Variants in TRPC7 observed in about 807,000 individuals in gnomAD.
TRPC7 encodes the protein transient receptor potential cation channel subfamily C member 7.
TRPC7 carries 42 observed loss-of-function variants against 90.1 expected under a neutral mutation model. The observed-to-expected ratio is 0.47, with a 90% CI of 0.36 to 0.60. The LOEUF is 0.60. Among genes scored for constraint, TRPC7 ranks in the 20% least tolerant of loss-of-function variants. The pLI is 0.00. For missense variants in TRPC7, 955 were observed against 1,112.3 expected, an observed-to-expected ratio of 0.86 and a Z score of 2.01; for synonymous variants, 451 against 436.3, an observed-to-expected ratio of 1.03 and a Z score of -0.42.
At chr5:136,315,032 A>G (rs1758963740) in intron 3 of TRPC7, among the ~76,000 whole-genome samples, 1 of 152,188 alleles carries the variant, frequency 6.6e-6, no homozygotes, top group African/African-American at 2.4e-5. Flanking sequence ...TTGGATGTCT[A>G]TTGAGGAGGT....
intron 2 of TRPC7, among the ~76,000 whole-genome samples, chr5:136,349,146 T>C (rs897816756): frequency 1.3e-5 from 2 of 152,226 alleles, no homozygotes; most frequent in African/African-American, 4.8e-5. Context: ...CCTCCTCTTT[T>C]GCTTCTCTAT....
intron 6 of TRPC7, among the ~76,000 whole-genome samples, chr5:136,248,060 G>T (rs1048210257): frequency 1.5e-4 from 23 of 152,174 alleles, no homozygotes; most frequent in Non-Finnish European, 2.5e-4. Context: ...TTCCGTCTGT[G>T]CTCTCATTGT....
chr5:136,278,351 T>G (rs1016005006), intron 3 of TRPC7, among the ~76,000 whole-genome samples: 6 of 152,150 alleles, frequency 3.9e-5, no homozygotes, highest in Non-Finnish European at 8.8e-5. Context: ...AAATTGCAAA[T>G]CTGGTGCCAT....
Position 136,213,389 on chromosome 5 carries a change from C to A in TRPC7, c.*46G>T. The A allele has an allele frequency of 6.2e-7, 1 of 1,601,724 alleles. No individual in the cohort carries two copies. Among genetic ancestry groups the A allele is most frequent in the Non-Finnish European group, 8.5e-7 (1 of 1,173,170 alleles). On this transcript the variant is annotated 3_prime_UTR_variant, in exon 12 of 12. Transcript: ENST00000513104. Reference sequence around the variant, plus strand: ...AAGGATGGGGGCGAGGGCATCCAACCTGGCCTTGGAATGCTGGTAGAAGTC... The same window carrying A: ...AAGGATGGGGGCGAGGGCATCCAACATGGCCTTGGAATGCTGGTAGAAGTC...
At chr5:136,355,040 C>T (rs1580990218) in intron 2 of TRPC7, among the ~76,000 whole-genome samples, 1 of 152,230 alleles carries the variant, frequency 6.6e-6, no homozygotes, top group African/African-American at 2.4e-5. Flanking sequence ...ACAGGGGCAG[C>T]TCCCCCAATG....
At chr5:136,229,115 G>A (rs1042324233) in intron 8 of TRPC7, among the ~76,000 whole-genome samples, 1 of 152,250 alleles carries the variant, frequency 6.6e-6, no homozygotes, top group African/African-American at 2.4e-5. Context: ...CTGAGGCCCA[G>A]AAGGGCAGGA....
rs186140836 is a variant in TRPC7 at position 136,343,871 on chromosome 5, G to T, written c.780+12737C>A. On this transcript the variant is annotated intron_variant, in intron 2 of 11. Transcript: ENST00000513104. Reference sequence around the variant, plus strand: ...TACATAAAGAACACTTGCAAAAAAGGTATTTTTAATACCTCAAGACAGAAA... The same window carrying T: ...TACATAAAGAACACTTGCAAAAAAGTTATTTTTAATACCTCAAGACAGAAA... Among the ~76,000 whole-genome samples the T allele has an allele frequency of 1.7e-4, 26 of 152,274 alleles. No homozygotes were observed. In the Middle Eastern group the frequency reaches 0.014, roughly 80 times the overall value.
intron 7 of TRPC7, among the ~76,000 whole-genome samples, chr5:136,237,222 C>A (rs889010): frequency 0.64 from 96,752 of 151,942 alleles, 31,918 homozygotes; most frequent in African/African-American, 0.83. Flanking sequence ...CTTGGGTCCT[C>A]AACAAGGAGT....
chr5:136,326,303 A>G (rs1759341166), intron 2 of TRPC7, among the ~76,000 whole-genome samples: 1 of 152,234 alleles, frequency 6.6e-6, no homozygotes, highest in Non-Finnish European at 1.5e-5. Context: ...ACCCTCCACC[A>G]CTAACAGTAT....
intron 3 of TRPC7, among the ~76,000 whole-genome samples, chr5:136,305,051 G>A (rs344831): frequency 0.67 from 101,596 of 151,418 alleles, 34,944 homozygotes; most frequent in African/African-American, 0.85. Context: ...TCCAAAATCT[G>A]TTTTCTTCCT....
intron 4 of TRPC7, among the ~76,000 whole-genome samples, chr5:136,273,941 G>A (rs1236707186): frequency 6.6e-6 from 1 of 152,188 alleles, no homozygotes. Flanking sequence ...GGATGGTGGA[G>A]CCGCTAGTAG....
intron 2 of TRPC7, among the ~76,000 whole-genome samples, chr5:136,331,637 G>C (rs947662012): frequency 6.6e-6 from 1 of 152,218 alleles, no homozygotes; most frequent in African/African-American, 2.4e-5. Context: ...AAGCTTGAGA[G>C]GTTTCCAGAA....
At chr5:136,355,129 A>G (rs555585022) in intron 2 of TRPC7, among the ~76,000 whole-genome samples, 9 of 152,338 alleles carry the variant, frequency 5.9e-5, no homozygotes, top group African/African-American at 1.9e-4. Context: ...CATGTAGCAC[A>G]TGATAGTCTC....
intron 2 of TRPC7, among the ~76,000 whole-genome samples, chr5:136,341,423 ATAAAT>A (rs927730526): frequency 6.6e-6 from 1 of 152,092 alleles, no homozygotes; most frequent in African/African-American, 2.4e-5. Flanking sequence ...CAAAAAGTAA[ATAAAT>A]TAACATATAT....
chr5:136,341,994 C>T (rs978913124), intron 2 of TRPC7, among the ~76,000 whole-genome samples: 1 of 152,158 alleles, frequency 6.6e-6, no homozygotes, highest in East Asian at 1.9e-4. Context: ...TCTTGTTGAT[C>T]CTTAGGAAAT....
intron 3 of TRPC7, among the ~76,000 whole-genome samples, chr5:136,304,963 C>G (rs1758557157): frequency 6.6e-6 from 1 of 152,242 alleles, no homozygotes; most frequent in African/African-American, 2.4e-5. Flanking sequence ...CGTACAGCAG[C>G]TGCCGCTGCT....
chr5:136,276,725 TCAG>T (rs1029505226), intron 3 of TRPC7, among the ~76,000 whole-genome samples: 8 of 152,210 alleles, frequency 5.3e-5, no homozygotes, highest in Admixed American at 2.0e-4. Context: ...TGGATTATCC[TCAG>T]CCCAGGGAGG....
chr5:136,281,642 G>A (rs919188318), intron 3 of TRPC7, among the ~76,000 whole-genome samples: 3 of 152,152 alleles, frequency 2.0e-5, no homozygotes, highest in African/African-American at 7.2e-5. Flanking sequence ...ACAGGCTCTG[G>A]GTCAGCCTGC....
At chr5:136,342,351 G>T (rs966965456) in intron 2 of TRPC7, among the ~76,000 whole-genome samples, 58 of 152,232 alleles carry the variant, frequency 3.8e-4, no homozygotes, top group African/African-American at 1.3e-3. Flanking sequence ...CTGCTGAGGG[G>T]TGCAGACTGC....
Sources: gnomAD v4.1 joint callset for allele counts (sites outside exome capture counted in the v4.1 genomes callset) on GRCh38, gnomAD v4.1.1 for gene constraint, MANE v1.5 for transcripts, NCBI Gene and HGNC (gene_info 2026-07-23, HGNC 2026-07-21) for gene names.